LRCH3: variants seen among roughly 807,000 people sequenced by gnomAD.
LRCH3 encodes leucine rich repeats and calponin homology domain containing 3, also known as DISP complex protein LRCH3.
A neutral mutation model predicts 104.5 loss-of-function variants in LRCH3; 68 were observed. The observed-to-expected ratio is 0.65, with a 90% CI of 0.54 to 0.80. The LOEUF (loss-of-function observed/expected upper bound fraction) is 0.80. Ranked by LOEUF, LRCH3 falls within the 30% of genes least tolerant of loss-of-function variation. The pLI is 0.00. For synonymous variants in LRCH3, 344 were observed against 361.3 expected, an observed-to-expected ratio of 0.95 and a Z score of 0.54; for missense variants, 951 against 953.9, an observed-to-expected ratio of 1.00 and a Z score of 0.04.
At chr3:197,821,020 C>T (rs549731959) in intron 4 of LRCH3, among the ~76,000 whole-genome samples, 4 of 152,126 alleles carry the variant, frequency 2.6e-5, no homozygotes, top group East Asian at 1.9e-4. Flanking sequence ...TCTTGTCAAC[C>T]GATGTAATTA....
At position 197,847,858 on chromosome 3, in the gene LRCH3, C is replaced by T. The variant is rs751242880; in HGVS notation, c.1381-14C>T. On this transcript the variant is annotated splice_polypyrimidine_tract_variant and intron_variant, in intron 11 of 20. Coordinates refer to ENST00000425562, the MANE Select transcript of LRCH3 (RefSeq NM_001365715.1). ...ATTTTTACTTTTGTATGCACAATAA[C>T]GCTTTGGTTCCAGCTGTCACACACA... is the stretch of plus-strand genomic sequence containing the variant. 59 of 1,612,682 alleles carry T rather than the reference C, an allele frequency of 3.7e-5. No individual in the cohort carries two copies. The highest frequency in any genetic ancestry group is 4.6e-5 in the Non-Finnish European group (54 of 1,179,428).
chr3:197,860,474 G>A (rs749623373), intron 15 of LRCH3, among the ~76,000 whole-genome samples: 2 of 152,136 alleles, frequency 1.3e-5, no homozygotes, highest in Non-Finnish European at 2.9e-5. Context: ...AGCCCGAGGG[G>A]GAATACAATT....
At chr3:197,875,613 C>T (rs1712800132) in intron 19 of LRCH3, 85 bp from the exon 20 acceptor site, 7 of 983,024 alleles carry the variant, frequency 7.1e-6, no homozygotes, top group Non-Finnish European at 1.1e-5. Flanking sequence ...AGGCTTGCGC[C>T]ACTGCACTCC....
intron 1 of LRCH3, among the ~76,000 whole-genome samples, chr3:197,806,153 C>T (rs926436450): frequency 6.6e-5 from 10 of 152,008 alleles, no homozygotes; most frequent in African/African-American, 1.7e-4. Flanking sequence ...CATGAACTCC[C>T]GACCTCTGGT....
rs925879473 is a variant in LRCH3, at chr3:197,817,042, C to T, written c.408-134C>T. On this transcript the variant is annotated intron_variant, in intron 2 of 20. Transcript: ENST00000425562. The stretch of plus-strand genomic sequence containing the variant: ...AAGCTGACCACCAGTAAAACGAAGG[C>T]TAGAACTCCAGTACCCTGTTTGTTT... The T allele has an allele frequency of 2.0e-5, 14 of 703,132 alleles. No individual in the cohort carries two copies. The Admixed American group carries it at 4.3e-4, about 22-fold the overall frequency. 43.6% of individuals were successfully genotyped at this position (703,132 alleles called of 1,614,324 possible).
chr3:197,834,953 G>A (rs954146940), intron 8 of LRCH3, among the ~76,000 whole-genome samples: 1 of 152,002 alleles, frequency 6.6e-6, no homozygotes, highest in Non-Finnish European at 1.5e-5. Flanking sequence ...AGACCAGCCT[G>A]GCCAACATGG....
At chr3:197,819,472 T>C (rs1413888682) in intron 3 of LRCH3, among the ~76,000 whole-genome samples, 1 of 151,908 alleles carries the variant, frequency 6.6e-6, no homozygotes, top group Non-Finnish European at 1.5e-5. Flanking sequence ...TCGCAGCACT[T>C]TGGGAGGCTG....
chr3:197,809,135 C>A (rs621997), intron 1 of LRCH3, among the ~76,000 whole-genome samples: 117,365 of 151,726 alleles, frequency 0.77, 46,692 homozygotes, highest in East Asian at 0.94. Context: ...TCTTCTCTAC[C>A]AAAAATACAA....
chr3:197,831,940 G>T (rs758354872), intron 7 of LRCH3, among the ~76,000 whole-genome samples: 96 of 151,022 alleles, frequency 6.4e-4, no homozygotes, highest in Non-Finnish European at 1.2e-3. Context: ...TTTGAAATAG[G>T]ATCTCGCTTT....
chr3:197,833,365 G>GAA (rs71166710), intron 8 of LRCH3, among the ~76,000 whole-genome samples: 472 of 33,336 alleles, frequency 0.014, 181 homozygotes, highest in Non-Finnish European at 0.016. Flanking sequence ...ACTAAAAACC[G>GAA]AAAAAAAAAA....
chr3:197,850,443 G>T, intron 12 of LRCH3: 1 of 1,558,210 alleles, frequency 6.4e-7, no homozygotes, highest in Non-Finnish European at 8.7e-7. Flanking sequence ...TTTCTTCTGG[G>T]ATATCTTTTT....
intron 9 of LRCH3, among the ~76,000 whole-genome samples, chr3:197,838,158 T>C (rs1407732733): frequency 6.6e-6 from 1 of 150,982 alleles, no homozygotes; most frequent in Non-Finnish European, 1.5e-5. Context: ...GGTGGCTCCT[T>C]CCTGTAGTCT....
intron 19 of LRCH3, among the ~76,000 whole-genome samples, chr3:197,872,633 G>A (rs1010547428): frequency 1.3e-5 from 2 of 152,204 alleles, no homozygotes; most frequent in Non-Finnish European, 1.5e-5. Context: ...GAGGCTGGTG[G>A]ATCACCTGAG....
chr3:197,793,635 T>C (rs757928605), intron 1 of LRCH3, among the ~76,000 whole-genome samples: 3 of 152,206 alleles, frequency 2.0e-5, no homozygotes, highest in Non-Finnish European at 4.4e-5. Flanking sequence ...CCAAGTGCAT[T>C]TATGAAGAAT....
At chr3:197,828,220 C>T (rs1461333780) in intron 5 of LRCH3, among the ~76,000 whole-genome samples, 1 of 152,104 alleles carries the variant, frequency 6.6e-6, no homozygotes, top group African/African-American at 2.4e-5. Context: ...ACAGTTTGGT[C>T]ATTTGTTTAC....
chr3:197,833,044 C>G (rs1736172935), intron 8 of LRCH3, among the ~76,000 whole-genome samples: 1 of 152,086 alleles, frequency 6.6e-6, no homozygotes, highest in South Asian at 2.1e-4. Flanking sequence ...CTTTTCCTTA[C>G]CATCTTAGAT....
At chr3:197,861,987 T>G (rs763998518) in intron 15 of LRCH3, among the ~76,000 whole-genome samples, 2 of 152,178 alleles carry the variant, frequency 1.3e-5, no homozygotes, top group Non-Finnish European at 1.5e-5. Context: ...TATCTGTTGC[T>G]GTTTCTTTCT....
At chr3:197,881,999 CT>C in intron 20 of LRCH3, 1 of 985,410 alleles carries the variant, frequency 1.0e-6, no homozygotes, top group Non-Finnish European at 1.2e-6. Flanking sequence ...CAGTAGGTGC[CT>C]TTCAGACTTT....
In LRCH3 at chr3:197,798,880, T is replaced by C. The variant is rs191661703; in HGVS notation, c.262+7340T>C. ...GTTCTTCATTTGCACTAGCCACATT[T>C]CAAGTGCTCAGTAGCCACATATGTC... On this transcript the variant is annotated intron_variant, in intron 1 of 20. Coordinates refer to ENST00000425562, the MANE Select transcript of LRCH3 (RefSeq NM_001365715.1). Among the ~76,000 whole-genome samples, 250 of 152,374 alleles carry C rather than the reference T, an allele frequency of 1.6e-3. 4 individuals are homozygous for C. The highest frequency in any genetic ancestry group is 5.7e-3 in the African/African-American group (236 of 41,594).
Sources: allele counts gnomAD v4.1 joint callset (sites outside exome capture counted in the v4.1 genomes callset), GRCh38; gene constraint gnomAD v4.1.1; transcripts MANE v1.5; gene names NCBI Gene and HGNC (gene_info 2026-07-23, HGNC 2026-07-21).